Variants in TDRKH observed in about 807,000 individuals in gnomAD.
The protein encoded by TDRKH is tudor and KH domain containing, also known as tudor and KH domain-containing protein.
A neutral mutation model predicts 61.3 loss-of-function variants in TDRKH; 28 were observed. The observed-to-expected ratio is 0.46, with a 90% CI of 0.34 to 0.63. The LOEUF (loss-of-function observed/expected upper bound fraction) is 0.63, where lower values mean the gene tolerates loss of function less well. TDRKH is among the 20% of genes least tolerant of loss of function. The probability of loss-of-function intolerance (pLI) is 0.01; values close to 1 mark genes in which losing one functional copy is unlikely to be tolerated. For missense variants in TDRKH, 540 were observed against 683.4 expected (o/e 0.79, Z 2.34); for synonymous variants, 219 against 244.4 (o/e 0.90, Z 0.97).
At chr1:151,789,728 G>T (rs953951951) in intron 1 of TDRKH, among the ~76,000 whole-genome samples, 69 of 152,324 alleles carry the variant, frequency 4.5e-4, no homozygotes, top group African/African-American at 1.4e-3. Context: ...ACTCATTCCA[G>T]TATCTCCTAA....
chr1:151,770,995 C>T (rs1267070299), downstream of TDRKH: 1 of 1,500,456 alleles, frequency 6.7e-7, no homozygotes, highest in Non-Finnish European at 8.9e-7. Flanking sequence ...GGGCCACTCC[C>T]TAGTGGAAGA....
downstream of TDRKH, chr1:151,769,256 C>A (rs1259730680): frequency 6.7e-6 from 1 of 149,012 alleles, no homozygotes; most frequent in African/African-American, 2.5e-5. Context: ...GCACCCCCCA[C>A]CTCCCGGAGG....
At chr1:151,775,215 C>T (rs762596831) in intron 10 of TDRKH, 49 bp from the exon 11 acceptor site, 1 of 1,601,142 alleles carries the variant, frequency 6.2e-7, no homozygotes, top group South Asian at 1.1e-5. Context: ...TAAGCAAGGG[C>T]AAATTTGAGG....
At chr1:151,788,000 A>G (rs1650506082) in intron 1 of TDRKH, among the ~76,000 whole-genome samples, 1 of 151,976 alleles carries the variant, frequency 6.6e-6, no homozygotes, top group Non-Finnish European at 1.5e-5. Context: ...GGTTTAAAAA[A>G]AAAAAGTATA....
intron 1 of TDRKH, among the ~76,000 whole-genome samples, chr1:151,789,932 C>G (rs981353796): frequency 2.6e-5 from 4 of 152,038 alleles, no homozygotes; most frequent in Non-Finnish European, 5.9e-5. Flanking sequence ...CACGATGATA[C>G]CTGGATTAAG....
downstream of TDRKH, among the ~76,000 whole-genome samples, chr1:151,773,081 C>T (rs539088307): frequency 6.6e-6 from 1 of 152,054 alleles, no homozygotes; most frequent in Non-Finnish European, 1.5e-5. Context: ...CTCTCTCTGT[C>T]ACCCAGGCTG....
chr1:151,768,164 G>A (rs1409967510), downstream of TDRKH: 2 of 1,613,866 alleles, frequency 1.2e-6, no homozygotes, highest in Non-Finnish European at 1.7e-6. Flanking sequence ...CATTGGCACG[G>A]CCTTCTCTGT....
chr1:151,781,915 G>T (rs1649853433), intron 2 of TDRKH: 1 of 447,250 alleles, frequency 2.2e-6, no homozygotes, highest in African/African-American at 2.0e-5. Flanking sequence ...TTACCTGAGG[G>T]GTCCATTAGG....
At position 151,776,117 on chromosome 1, in the gene TDRKH, A is replaced by G; in HGVS notation, c.1196T>C (p.Leu399Pro). The G allele has an allele frequency of 6.2e-7, 1 of 1,613,938 alleles. No homozygotes were observed. Among genetic ancestry groups the G allele is most frequent in the Non-Finnish European group, 8.5e-7 (1 of 1,179,888 alleles). Residue 399 changes from leucine (L) to proline (P), a missense_variant, in exon 8 of 13, where the codon CTG becomes CCG. Coordinates refer to ENST00000368824, the MANE Select transcript of TDRKH (RefSeq NM_001083965.2). ...TGACCTGAGAGCCCTGAGGTCCTTC[A>G]GTGGGCAATCTCCATTATCTCCAAA... ...VDFGDNGDCP[L>P]KDLRALRSDF...
intron 1 of TDRKH, among the ~76,000 whole-genome samples, chr1:151,789,632 C>T (rs868868): frequency 0.32 from 48,629 of 152,062 alleles, 8,259 homozygotes; most frequent in Middle Eastern, 0.46. Flanking sequence ...ATCGCTAAGG[C>T]TTACTTTATC....
downstream of TDRKH, among the ~76,000 whole-genome samples, chr1:151,772,281 A>AGAGAT (rs56167581): frequency 0.99 from 150,093 of 152,096 alleles, 74,090 homozygotes; most frequent in East Asian, 1. Flanking sequence ...TTTTGTATTT[A>AGAGAT]CGGGTTTCAG....
chr1:151,788,717 G>T (rs1650590590), intron 1 of TDRKH, among the ~76,000 whole-genome samples: 1 of 152,098 alleles, frequency 6.6e-6, no homozygotes, highest in African/African-American at 2.4e-5. Context: ...TGTTTTGATG[G>T]CCAGTCATAA....
chr1:151,783,076 G>A, intron 1 of TDRKH, 27 bp from the exon 2 acceptor site: 2 of 1,590,472 alleles, frequency 1.3e-6, no homozygotes, highest in Non-Finnish European at 1.7e-6. Context: ...AGGGAAAAGA[G>A]GGAGGTTTCA....
chr1:151,777,171 A>G (rs1157973639), intron 6 of TDRKH, among the ~76,000 whole-genome samples: 2 of 152,230 alleles, frequency 1.3e-5, no homozygotes, highest in Non-Finnish European at 2.9e-5. Flanking sequence ...TAGGCTGGGC[A>G]TGGTGGCTCA....
chr1:151,775,713 G>A (rs1416897116), intron 9 of TDRKH, 107 bp downstream of exon 9: 1 of 1,499,784 alleles, frequency 6.7e-7, no homozygotes, highest in South Asian at 1.2e-5. Flanking sequence ...AAAGGCACCT[G>A]AGTCCCCAGA....
intron 10 of TDRKH, 91 bp downstream of exon 10, chr1:151,775,301 A>G (rs190522187): frequency 5.6e-5 from 86 of 1,548,418 alleles, no homozygotes; most frequent in East Asian, 2.2e-5. Context: ...AGTAAGAGTA[A>G]TATCAGATAA....
chr1:151,771,165 T>C, downstream of TDRKH: 1 of 1,613,838 alleles, frequency 6.2e-7, no homozygotes. Flanking sequence ...ATGTCATCTT[T>C]ATGGTGTATC....
chr1:151,783,122 G>C, intron 1 of TDRKH, 73 bp from the exon 2 acceptor site: 1 of 1,414,274 alleles, frequency 7.1e-7, no homozygotes, highest in Non-Finnish European at 9.5e-7. Context: ...AGGCATGGGA[G>C]CACATTATTA....
At chr1:151,781,731 T>C (rs1649839835) in intron 2 of TDRKH, 144 bp from the exon 3 acceptor site, 1 of 684,476 alleles carries the variant, frequency 1.5e-6, no homozygotes, top group East Asian at 2.7e-5. Context: ...CAAGGAAAAG[T>C]GGCATCTGAA....
Sources: allele counts gnomAD v4.1 joint callset (sites outside exome capture counted in the v4.1 genomes callset), GRCh38; gene constraint gnomAD v4.1.1; transcripts MANE v1.5; gene names NCBI Gene and HGNC (gene_info 2026-07-23, HGNC 2026-07-21).